Variants in SEMA5A observed in about 807,000 individuals in gnomAD.
SEMA5A encodes semaphorin 5A, also known as semaphorin-5A.
SEMA5A carries 55 observed loss-of-function variants against 135.5 expected under a neutral mutation model. The observed-to-expected ratio is 0.41, with a 90% CI of 0.33 to 0.51. The LOEUF (loss-of-function observed/expected upper bound fraction) is 0.51. Among genes scored for constraint, SEMA5A ranks in the 20% least tolerant of loss-of-function variants. The pLI, the probability that SEMA5A is intolerant of heterozygous loss-of-function variation, is 0.37. For missense variants in SEMA5A, 1,290 were observed against 1,419.9 expected (o/e 0.91, Z 1.47); for synonymous variants, 580 against 546.5 (o/e 1.06, Z -0.85).
At chr5:9,236,318 G>A (rs1747905772) in intron 6 of SEMA5A, among the ~76,000 whole-genome samples, 2 of 152,208 alleles carry the variant, frequency 1.3e-5, no homozygotes, top group South Asian at 4.2e-4. Context: ...AATAAAGAAA[G>A]CCATCTTTCC....
chr5:9,254,426 G>A lies in SEMA5A; in HGVS notation c.271-16536C>T, dbSNP rs755788498. On this transcript the variant is annotated intron_variant, in intron 5 of 22. Transcript: ENST00000382496. ...ATAGAAGTTCTTGAGAGATAAGAGA[G>A]ACGTATGCTTGCTGAAAACAGGTAC... 3.1e-4 allele frequency among the ~76,000 whole-genome samples: 47 copies of A among 152,282 alleles called. 1 individual carries two copies. The highest frequency in any genetic ancestry group is 2.2e-3 in the Admixed American group (33 of 15,290).
chr5:9,180,073 C>T (rs751417966), intron 11 of SEMA5A, among the ~76,000 whole-genome samples: 2 of 152,120 alleles, frequency 1.3e-5, no homozygotes, highest in African/African-American at 2.4e-5. Flanking sequence ...AATCTCTGCC[C>T]GTGTTATCAC....
intron 2 of SEMA5A, among the ~76,000 whole-genome samples, chr5:9,382,067 G>A (rs755266480): frequency 7.3e-5 from 11 of 151,566 alleles, no homozygotes; most frequent in African/African-American, 1.9e-4. Context: ...AGGCTGAGGC[G>A]GGTGGATCAC....
intron 16 of SEMA5A, among the ~76,000 whole-genome samples, chr5:9,078,497 G>A (rs550170959): frequency 3.8e-4 from 58 of 151,852 alleles, no homozygotes; most frequent in African/African-American, 1.4e-3. Context: ...TAATGCATGG[G>A]GACATTTACC....
In SEMA5A at chr5:9,125,292, C is replaced by T. The variant is rs151134189; in HGVS notation, c.1600-2455G>A. Among the ~76,000 whole-genome samples, 640 of 152,246 alleles carry T rather than the reference C, an allele frequency of 4.2e-3. 4 individuals are homozygous for T. Among genetic ancestry groups the T allele is most frequent in the South Asian group, 0.015 (74 of 4,818 alleles). ...ATGTAAGAAACTGTGGCAAAACGGA[C>T]GGAATGGAGCTGCACCATCTGTTAG... On this transcript the variant is annotated intron_variant, in intron 13 of 22. Transcript: ENST00000382496.
chr5:9,192,869 TA>T (rs892092733), intron 10 of SEMA5A, among the ~76,000 whole-genome samples: 44 of 151,578 alleles, frequency 2.9e-4, no homozygotes, highest in Non-Finnish European at 4.6e-4. Flanking sequence ...GCATAGTGTT[TA>T]AAAAAAAATT....
chr5:9,347,090 A>G (rs1753909857), intron 3 of SEMA5A, among the ~76,000 whole-genome samples: 1 of 152,242 alleles, frequency 6.6e-6, no homozygotes. Flanking sequence ...TAGAGAAATT[A>G]AAACATTTCG....
chr5:9,143,963 G>A (rs921321103), intron 12 of SEMA5A, among the ~76,000 whole-genome samples: 15 of 152,202 alleles, frequency 9.9e-5, no homozygotes, highest in Non-Finnish European at 1.8e-4. Flanking sequence ...GACAAAGGAG[G>A]CACAGGGTGT....
intron 1 of SEMA5A, among the ~76,000 whole-genome samples, chr5:9,446,012 G>A (rs1758420609): frequency 2.0e-5 from 3 of 152,296 alleles, no homozygotes; most frequent in East Asian, 1.9e-4. Context: ...TAGTCACTGT[G>A]AATGGAATGA....
At chr5:9,278,651 T>C (rs369673199) in intron 5 of SEMA5A, among the ~76,000 whole-genome samples, 13 of 152,318 alleles carry the variant, frequency 8.5e-5, no homozygotes, top group East Asian at 7.8e-4. Context: ...CCCAGGGCCC[T>C]GCTGCTCTGT....
At chr5:9,503,376 T>A (rs1037824780) in intron 1 of SEMA5A, among the ~76,000 whole-genome samples, 1 of 152,264 alleles carries the variant, frequency 6.6e-6, no homozygotes, top group Middle Eastern at 3.4e-3. Flanking sequence ...CATAGCAGGT[T>A]GCTGGGGAAA....
intron 5 of SEMA5A, among the ~76,000 whole-genome samples, chr5:9,256,888 G>C (rs1019849649): frequency 1.3e-5 from 2 of 152,228 alleles, no homozygotes; most frequent in African/African-American, 4.8e-5. Flanking sequence ...AGATTAGCAT[G>C]AAGAGTGAAA....
chr5:9,038,057 G>A lies in SEMA5A; in HGVS notation c.*4840C>T, dbSNP rs1452524239. The stretch of plus-strand genomic sequence containing the variant: ...CGTAGGTAATTGCAGATAACCATAG[G>A]TAATCAAATATTGGTAACGTTGTGT... On this transcript the variant is annotated 3_prime_UTR_variant, in exon 23 of 23. Coordinates refer to ENST00000382496, the MANE Select transcript of SEMA5A (RefSeq NM_003966.3). The A allele has an allele frequency of 2.1e-4, 32 of 152,152 alleles. 1 individual carries two copies. Among genetic ancestry groups the A allele is most frequent in the Admixed American group, 2.1e-3 (32 of 15,266 alleles). 9.4% of individuals were successfully genotyped at this position (152,152 alleles called of 1,614,324 possible).
intron 1 of SEMA5A, among the ~76,000 whole-genome samples, chr5:9,542,441 C>T (rs1738145767): frequency 6.6e-6 from 1 of 152,170 alleles, no homozygotes; most frequent in Non-Finnish European, 1.5e-5. Context: ...TTCAAGAAAA[C>T]AGTTAACTTT....
At chr5:9,430,803 A>C (rs1215638994) in intron 2 of SEMA5A, among the ~76,000 whole-genome samples, 1 of 152,174 alleles carries the variant, frequency 6.6e-6, no homozygotes, top group East Asian at 1.9e-4. Flanking sequence ...AATGGAGGAC[A>C]ACAAGTACAG....
intron 1 of SEMA5A, among the ~76,000 whole-genome samples, chr5:9,440,994 A>G (rs1055166430): frequency 6.6e-6 from 1 of 152,236 alleles, no homozygotes; most frequent in Non-Finnish European, 1.5e-5. Flanking sequence ...ATACAGGTTC[A>G]AGAAACCTAA....
At chr5:9,217,710 T>A (rs1370855316) in intron 8 of SEMA5A, among the ~76,000 whole-genome samples, 1 of 152,232 alleles carries the variant, frequency 6.6e-6, no homozygotes, top group Non-Finnish European at 1.5e-5. Context: ...TATTCTTTTT[T>A]CTTTGACTGT....
At chr5:9,185,440 T>C (rs1277374310) in intron 11 of SEMA5A, among the ~76,000 whole-genome samples, 2 of 152,216 alleles carry the variant, frequency 1.3e-5, no homozygotes, top group Non-Finnish European at 2.9e-5. Flanking sequence ...AAGTTTGAAA[T>C]GAAAAACAAT....
chr5:9,046,272 G>GGTAT (rs1736248279), intron 21 of SEMA5A, among the ~76,000 whole-genome samples: 1 of 152,204 alleles, frequency 6.6e-6, no homozygotes, highest in South Asian at 2.1e-4. Context: ...GACGATTGGA[G>GGTAT]GTATGTGCTG....
Sources: gnomAD v4.1 joint callset for allele counts (sites outside exome capture counted in the v4.1 genomes callset) on GRCh38, gnomAD v4.1.1 for gene constraint, MANE v1.5 for transcripts, NCBI Gene and HGNC (gene_info 2026-07-23, HGNC 2026-07-21) for gene names.